Variants in SSUH2 observed in about 807,000 individuals in gnomAD.
SSUH2 encodes the protein protein SSUH2 homolog.
SSUH2 carries 47 observed loss-of-function variants against 55.3 expected under a neutral mutation model. The observed-to-expected ratio is 0.85, with a 90% confidence interval of 0.67 to 1.08. The LOEUF is 1.08. SSUH2 is among the 50% of genes least tolerant of loss of function. The probability of loss-of-function intolerance (pLI) is 0.00; values close to 1 mark genes in which losing one functional copy is unlikely to be tolerated. For synonymous variants in SSUH2, 212 were observed against 191.5 expected, an observed-to-expected ratio of 1.11 and a Z score of -0.89; for missense variants, 535 against 490.7, an observed-to-expected ratio of 1.09 and a Z score of -0.85.
Position 8,633,681 on chromosome 3 carries a change from C to A in SSUH2, c.324G>T (p.Arg108=), listed in dbSNP as rs747131713. ...AGDLVIQELK[R]QTLCRYRLET... ...GGCCTCTCACCCTGCAGAGGGTCTG[C>A]CGCTTCAGCTCCTGGATGACGAGGT... Residue 108 remains arginine, a synonymous_variant, in exon 4 of 12, where the codon CGG becomes CGT. Coordinates refer to ENST00000544814, the MANE Select transcript of SSUH2 (RefSeq NM_001256748.3). 3.3e-6 allele frequency: 5 copies of A among 1,526,384 alleles called. No individual in the cohort carries two copies. The highest frequency in any genetic ancestry group is 2.6e-5 in the South Asian group (2 of 76,432). The allele number at this position is 1,526,384 out of a possible 1,614,324, so 94.6% of individuals were successfully genotyped here.
intron 6 of SSUH2, among the ~76,000 whole-genome samples, chr3:8,661,710 T>C (rs1036899626): frequency 1.3e-5 from 2 of 152,234 alleles, no homozygotes; most frequent in African/African-American, 4.8e-5. Flanking sequence ...GGTAATACTG[T>C]ATATGCAGTG....
Position 8,619,632 on chromosome 3 carries a change from T to G in SSUH2, c.*236A>C, listed in dbSNP as rs1696020599. On this transcript the variant is annotated 3_prime_UTR_variant, in exon 12 of 12. Transcript: ENST00000544814. ...CATTTAAATTATTTCTCTCATTTGT[T>G]CTACAGGAATGTGTATAGCTGAATT... 2.5e-6 allele frequency: 1 copy of G among 401,618 alleles called. No homozygotes were observed. The highest frequency in any genetic ancestry group is 3.9e-5 in the East Asian group (1 of 25,406). 24.9% of individuals were successfully genotyped at this position (401,618 alleles called of 1,614,324 possible). A position where few individuals can be genotyped will look rare whatever the true frequency, so the allele number is the denominator to read the frequency against.
intron 5 of SSUH2, 33 bp from the exon 6 acceptor site, chr3:8,630,962 G>A (rs371664794): frequency 3.6e-5 from 48 of 1,347,606 alleles, no homozygotes; most frequent in Middle Eastern, 2.0e-4. Flanking sequence ...TAAGAATGAC[G>A]AAGGGCAGCA....
intron 3 of SSUH2, among the ~76,000 whole-genome samples, chr3:8,676,944 G>C (rs190267103): frequency 0.076 from 10,192 of 134,884 alleles, 600 homozygotes; most frequent in Non-Finnish European, 0.11. Flanking sequence ...CCCATAGTAC[G>C]GGGGGAAGGC....
chr3:8,656,914 T>G (rs560911342), intron 7 of SSUH2, among the ~76,000 whole-genome samples: 14 of 149,978 alleles, frequency 9.3e-5, no homozygotes, highest in South Asian at 4.2e-4. Context: ...TCTCACTTAC[T>G]CTGTCACCCA....
chr3:8,664,340 C>T (rs1365020500), intron 5 of SSUH2, among the ~76,000 whole-genome samples: 2 of 152,230 alleles, frequency 1.3e-5, no homozygotes, highest in Non-Finnish European at 2.9e-5. Flanking sequence ...AATGCCATCG[C>T]CATCTTCATG....
chr3:8,674,017 C>T (rs1429211486), intron 3 of SSUH2, among the ~76,000 whole-genome samples: 4 of 152,214 alleles, frequency 2.6e-5, no homozygotes, highest in Admixed American at 2.6e-4. Context: ...GCGCGGAACA[C>T]GTTAGAAGAA....
chr3:8,668,378 G>A (rs1704190388), intron 5 of SSUH2, among the ~76,000 whole-genome samples: 1 of 152,262 alleles, frequency 6.6e-6, no homozygotes, highest in African/African-American at 2.4e-5. Flanking sequence ...TCACTGCAAT[G>A]CTTGGCAGCA....
At chr3:8,658,402 C>T (rs1703147176) in intron 7 of SSUH2, among the ~76,000 whole-genome samples, 1 of 152,210 alleles carries the variant, frequency 6.6e-6, no homozygotes, top group Non-Finnish European at 1.5e-5. Flanking sequence ...ACCTGGTATC[C>T]TTGCCAGGGC....
chr3:8,629,665 G>GTGGTTCACAGATGACTCACCA lies in SSUH2; in HGVS notation c.586_587insTGGTGAGTCATCTGTGAACCA (p.Gly195_Thr196insMetValSerHisLeuTer), dbSNP rs1698365171. On this transcript the variant is annotated stop_gained and splice_region_variant, in exon 7 of 12. Coordinates refer to ENST00000544814, the MANE Select transcript of SSUH2 (RefSeq NM_001256748.3). LOFTEE classifies it high-confidence loss of function. ...ACCAGTGGTTCACAGATGACTCACCGTGCCCGCCCCGTGGCAGCCGCTGCA... is the reference window on the plus strand; with the variant it reads ...ACCAGTGGTTCACAGATGACTCACCGTGGTTCACAGATGACTCACCATGCCCGCCCCGTGGCAGCCGCTGCA... 10 of 1,075,364 alleles carry GTGGTTCACAGATGACTCACCA rather than the reference G, an allele frequency of 9.3e-6. No individual in the cohort carries two copies. Among genetic ancestry groups the GTGGTTCACAGATGACTCACCA allele is most frequent in the Non-Finnish European group, 1.2e-5 (9 of 752,288 alleles). The allele number at this position is 1,075,364 out of a possible 1,614,324, so 66.6% of individuals were successfully genotyped here.
At chr3:8,677,872 G>A (rs1330696345) in intron 2 of SSUH2, among the ~76,000 whole-genome samples, 3 of 150,666 alleles carry the variant, frequency 2.0e-5, no homozygotes, top group Non-Finnish European at 2.9e-5. Context: ...CTCACAGCCT[G>A]TTTACCATAT....
At chr3:8,657,488 T>C (rs1336269735) in intron 7 of SSUH2, among the ~76,000 whole-genome samples, 1 of 151,458 alleles carries the variant, frequency 6.6e-6, no homozygotes, top group Non-Finnish European at 1.5e-5. Context: ...CAGGCCACCC[T>C]CCATGAGGTG....
chr3:8,632,587 A>G (rs1482669534), intron 4 of SSUH2, among the ~76,000 whole-genome samples: 5 of 152,180 alleles, frequency 3.3e-5, no homozygotes, highest in Non-Finnish European at 7.4e-5. Flanking sequence ...AGGCTCAGAG[A>G]GGTCAGCTGA....
At chr3:8,674,205 C>A (rs1197659662) in intron 3 of SSUH2, among the ~76,000 whole-genome samples, 2 of 152,212 alleles carry the variant, frequency 1.3e-5, no homozygotes, top group Non-Finnish European at 1.5e-5. Flanking sequence ...AGGGGTCCCC[C>A]CAAAGAAGCA....
At chr3:8,633,582 T>C (rs1699304452) in intron 4 of SSUH2, 84 bp downstream of exon 4, 6 of 1,187,134 alleles carry the variant, frequency 5.1e-6, no homozygotes, top group Non-Finnish European at 1.2e-6. Flanking sequence ...CCTGGCCACA[T>C]CACACAAACA....
intron 2 of SSUH2, among the ~76,000 whole-genome samples, chr3:8,678,319 C>T (rs915680367): frequency 6.6e-6 from 1 of 152,124 alleles, no homozygotes; most frequent in East Asian, 1.9e-4. Context: ...GGGTGTACAC[C>T]TCGTGCTCTA....
At chr3:8,675,890 G>T (rs368064493) in intron 3 of SSUH2, among the ~76,000 whole-genome samples, 6 of 152,244 alleles carry the variant, frequency 3.9e-5, no homozygotes, top group South Asian at 2.1e-4. Context: ...AAAGATGGCA[G>T]CTGGACTTTT....
At chr3:8,621,997 A>G (rs3774211) in intron 11 of SSUH2, among the ~76,000 whole-genome samples, 10,172 of 151,696 alleles carry the variant, frequency 0.067, 865 homozygotes, top group African/African-American at 0.19. Flanking sequence ...GAGGCCACAA[A>G]TTGCTCAAGA....
intron 1 of SSUH2, among the ~76,000 whole-genome samples, chr3:8,680,137 C>T (rs2124939708): frequency 6.6e-6 from 1 of 152,312 alleles, no homozygotes; most frequent in South Asian, 2.1e-4. Context: ...ACTGTGGGAC[C>T]CTGGCCGAGG....
Sources: allele counts gnomAD v4.1 joint callset (sites outside exome capture counted in the v4.1 genomes callset), GRCh38; gene constraint gnomAD v4.1.1; transcripts MANE v1.5; gene names NCBI Gene and HGNC (gene_info 2026-07-23, HGNC 2026-07-21).